The following VWA8 variants were observed in gnomAD, a reference collection of about 807,000 sequenced individuals.
VWA8 encodes von Willebrand factor A domain-containing protein 8.
In VWA8, 221 loss-of-function variants were observed where a neutral mutation model predicts 241.5. The ratio of observed to expected loss-of-function variants is 0.91; its 90% confidence interval spans 0.82 to 1.02. The LOEUF (loss-of-function observed/expected upper bound fraction) is 1.02. Ranked by LOEUF, VWA8 falls within the 50% of genes least tolerant of loss-of-function variation. VWA8 has a pLI of 0.00. For synonymous variants in VWA8, 852 were observed against 827.1 expected (o/e 1.03, Z -0.52); for missense variants, 2,322 against 2,328.7 (o/e 1.00, Z 0.06).
intron 16 of VWA8, among the ~76,000 whole-genome samples, chr13:41,815,155 G>A (rs1298444665): frequency 1.3e-5 from 2 of 152,188 alleles, no homozygotes; most frequent in Non-Finnish European, 2.9e-5. Flanking sequence ...CAAAGGCCCT[G>A]AGGCAGGCAC....
chr13:41,813,922 CT>C (rs1870579304), intron 16 of VWA8, among the ~76,000 whole-genome samples: 1 of 152,030 alleles, frequency 6.6e-6, no homozygotes, highest in African/African-American at 2.4e-5. Context: ...GCACATTCCC[CT>C]AGTTACCATG....
At chr13:41,920,335 C>T (rs1243170912) in intron 2 of VWA8, among the ~76,000 whole-genome samples, 1 of 152,004 alleles carries the variant, frequency 6.6e-6, no homozygotes, top group Non-Finnish European at 1.5e-5. Flanking sequence ...GTCAGAGCCA[C>T]AGCTATATTC....
chr13:41,886,702 A>C (rs1414932764), intron 7 of VWA8, 79 bp downstream of exon 7: 2 of 1,175,652 alleles, frequency 1.7e-6, no homozygotes, highest in African/African-American at 3.1e-5. Flanking sequence ...GAATGACTGA[A>C]TTAATTAATC....
At chr13:41,767,043 A>G (rs914052604) in intron 20 of VWA8, among the ~76,000 whole-genome samples, 4 of 152,220 alleles carry the variant, frequency 2.6e-5, no homozygotes, top group Non-Finnish European at 4.4e-5. Flanking sequence ...GCCAGCATTC[A>G]GCTTTCTTGC....
chr13:41,638,542 T>A (rs1178946315), intron 37 of VWA8, among the ~76,000 whole-genome samples: 1 of 151,996 alleles, frequency 6.6e-6, no homozygotes, highest in Non-Finnish European at 1.5e-5. Flanking sequence ...AAGACTGGGT[T>A]TCAATGAAGA....
intron 44 of VWA8, among the ~76,000 whole-genome samples, chr13:41,570,140 A>G (rs2044290887): frequency 6.6e-6 from 1 of 152,214 alleles, no homozygotes; most frequent in Non-Finnish European, 1.5e-5. Flanking sequence ...CAAAATGATT[A>G]GCCTGAGCTT....
intron 37 of VWA8, among the ~76,000 whole-genome samples, chr13:41,658,805 T>C (rs2044928739): frequency 6.6e-6 from 1 of 152,188 alleles, no homozygotes; most frequent in Non-Finnish European, 1.5e-5. Context: ...GGTTCAGTTC[T>C]TGGGCTATAG....
At chr13:41,717,687 A>G (rs1226745576) in intron 26 of VWA8, among the ~76,000 whole-genome samples, 1 of 152,034 alleles carries the variant, frequency 6.6e-6, no homozygotes, top group Non-Finnish European at 1.5e-5. Context: ...AAGGGCAATA[A>G]AACAACACTA....
At chr13:41,953,579 G>A (rs759256005) in intron 1 of VWA8, among the ~76,000 whole-genome samples, 40 of 152,214 alleles carry the variant, frequency 2.6e-4, no homozygotes, top group Non-Finnish European at 5.9e-5. Context: ...GCCGAGGTGG[G>A]TGGATCACCT....
chr13:41,650,265 A>T (rs193127584), intron 37 of VWA8, among the ~76,000 whole-genome samples: 1 of 152,360 alleles, frequency 6.6e-6, no homozygotes, highest in Admixed American at 6.5e-5. Context: ...CCTGTGAGGT[A>T]GCTGCTATAG....
intron 20 of VWA8, among the ~76,000 whole-genome samples, chr13:41,761,956 A>G (rs1458565975): frequency 6.6e-6 from 1 of 152,142 alleles, no homozygotes; most frequent in African/African-American, 2.4e-5. Flanking sequence ...GGAAAGAGTT[A>G]TAGTTTAAAA....
rs142105602 is a variant in VWA8, at chr13:41,614,207, A to G, written c.4720+769T>C. Among the ~76,000 whole-genome samples, 4 of 152,322 alleles carry G rather than the reference A, an allele frequency of 2.6e-5. No homozygotes were observed. In the East Asian group the frequency reaches 7.7e-4, roughly 29 times the overall value. On this transcript the variant is annotated intron_variant, in intron 38 of 44. Coordinates refer to ENST00000379310, the MANE Select transcript of VWA8 (RefSeq NM_015058.2). ...GATAGCACATTGTCTAAGCAGAGAAACCCATTTCCTCCCGAGGCTGTCAAG... is the reference window on the plus strand; with the variant it reads ...GATAGCACATTGTCTAAGCAGAGAAGCCCATTTCCTCCCGAGGCTGTCAAG...
At chr13:41,824,894 G>A (rs1303354595) in intron 14 of VWA8, among the ~76,000 whole-genome samples, 4 of 151,466 alleles carry the variant, frequency 2.6e-5, no homozygotes, top group South Asian at 4.2e-4. Context: ...GGAGGGGAGG[G>A]GAGGGGATAT....
chr13:41,769,982 A>G lies in VWA8; in HGVS notation c.2349+8003T>C, dbSNP rs1211800167. Among the ~76,000 whole-genome samples the G allele has an allele frequency of 2.0e-5, 3 of 152,232 alleles. No homozygotes were observed. In the East Asian group the frequency reaches 5.8e-4, roughly 29 times the overall value. ...AAAATACTATAAAGTTCAGAAGAAA[A>G]TAAGATTACTTCTTTTTTGGGAGAG... On this transcript the variant is annotated intron_variant, in intron 20 of 44. Transcript: ENST00000379310.
intron 37 of VWA8, among the ~76,000 whole-genome samples, chr13:41,655,892 G>C (rs1219922972): frequency 2.0e-5 from 3 of 152,178 alleles, no homozygotes; most frequent in Non-Finnish European, 4.4e-5. Flanking sequence ...GAATCTTAAA[G>C]TATGTTCCTG....
intron 21 of VWA8, among the ~76,000 whole-genome samples, chr13:41,756,958 T>C (rs1029598925): frequency 6.6e-6 from 1 of 151,758 alleles, no homozygotes. Flanking sequence ...TCACTTATCA[T>C]CCTTAAATAT....
chr13:41,864,477 C>G, intron 12 of VWA8: 2 of 349,752 alleles, frequency 5.7e-6, no homozygotes, highest in Non-Finnish European at 1.1e-5. Flanking sequence ...TATAGACATA[C>G]AACAGAATAT....
At chr13:41,759,332 T>A (rs984616856) in intron 21 of VWA8, among the ~76,000 whole-genome samples, 2 of 151,588 alleles carry the variant, frequency 1.3e-5, no homozygotes, top group African/African-American at 2.4e-5. Flanking sequence ...GTAATACGTC[T>A]TTTTTCCTCT....
intron 20 of VWA8, among the ~76,000 whole-genome samples, chr13:41,775,733 G>T (rs535717549): frequency 1.3e-5 from 2 of 152,252 alleles, no homozygotes; most frequent in African/African-American, 4.8e-5. Flanking sequence ...TAGCATATTA[G>T]ATTTTATGCC....
Sources: gnomAD v4.1 joint callset for allele counts (sites outside exome capture counted in the v4.1 genomes callset) on GRCh38, gnomAD v4.1.1 for gene constraint, MANE v1.5 for transcripts, NCBI Gene and HGNC (gene_info 2026-07-23, HGNC 2026-07-21) for gene names.